The following DMD variants were observed in gnomAD, a reference collection of about 807,000 sequenced individuals.
DMD encodes the protein mutant dystrophin.
A neutral mutation model predicts 330.1 loss-of-function variants in DMD; 63 were observed. The observed-to-expected ratio is 0.19, with a 90% CI of 0.16 to 0.24. The LOEUF is 0.24. Ranked by LOEUF, DMD falls within the 10% of genes least tolerant of loss-of-function variation. The pLI, the probability that DMD is intolerant of heterozygous loss-of-function variation, is 1.00. For missense variants in DMD, 3,344 were observed against 2,684.1 expected (o/e 1.25, Z -5.43); for synonymous variants, 1,223 against 959.8 (o/e 1.27, Z -5.07).
intron 47 of DMD, among the ~76,000 whole-genome samples, chrX:31,913,754 CAAAACA>C (rs1215134924): frequency 1.8e-5 from 2 of 109,779 alleles, no homozygotes. Flanking sequence ...CAAAACAAAA[CAAAACA>C]AAACAAAAAC....
chrX:32,433,048 A>T (rs1203417550), intron 29 of DMD, among the ~76,000 whole-genome samples: 2 of 112,428 alleles, frequency 1.8e-5, no homozygotes, highest in Admixed American at 9.4e-5. Context: ...GAGGTGAAAT[A>T]ATCACTCATC....
At chrX:33,141,075 G>GT (rs1328554582) in intron 1 of DMD, among the ~76,000 whole-genome samples, 6 of 111,675 alleles carry the variant, frequency 5.4e-5, no homozygotes, top group African/African-American at 2.0e-4. Context: ...AACCTAAAAT[G>GT]TAAGTAGTTC....
At chrX:32,557,637 T>C (rs1469852552) in intron 16 of DMD, among the ~76,000 whole-genome samples, 1 of 111,849 alleles carries the variant, frequency 8.9e-6, no homozygotes, top group African/African-American at 3.2e-5. Context: ...TTGATAGCCA[T>C]GCTTAAAAAC....
chrX:31,516,247 G>A (rs1323060696), intron 55 of DMD, among the ~76,000 whole-genome samples: 1 of 97,505 alleles, frequency 1.0e-5, no homozygotes, highest in Admixed American at 1.2e-4. Flanking sequence ...AAAAGTATCA[G>A]TCTATTATGG....
chrX:33,169,301 T>G (rs2049218972), intron 1 of DMD, among the ~76,000 whole-genome samples: 1 of 111,899 alleles, frequency 8.9e-6, no homozygotes, highest in African/African-American at 3.2e-5. Context: ...AATTTATTGA[T>G]AAGGTTAACA....
At chrX:31,404,887 G>C (rs2061342822) in intron 60 of DMD, among the ~76,000 whole-genome samples, 1 of 112,208 alleles carries the variant, frequency 8.9e-6, no homozygotes, top group African/African-American at 3.2e-5. Flanking sequence ...CATGGAATAG[G>C]TATTTGTCAG....
intron 44 of DMD, chrX:32,155,530 G>A (rs943243251): frequency 1.8e-6 from 1 of 567,506 alleles, no homozygotes; most frequent in African/African-American, 2.5e-5. Flanking sequence ...TGTAGCAAAG[G>A]CTCTAAAGAA....
At position 31,669,750 on chromosome X, in the gene DMD, C is replaced by T. The variant is rs765694618; in HGVS notation, c.7872+9625G>A. ...AGTTTTTGAAATTGGAAAGTTAACT[C>T]CTCCAATGTTGTTCTTTTTTCAAGG... is the stretch of plus-strand genomic sequence containing the variant. On this transcript the variant is annotated intron_variant, in intron 53 of 78. Transcript: ENST00000357033. 1.6e-4 allele frequency among the ~76,000 whole-genome samples: 18 copies of T among 109,311 alleles called. No individual in the cohort carries two copies. The South Asian group carries it at 7.0e-3, about 43-fold the overall frequency. The allele number at this position is 109,311 out of a possible 115,157, so 94.9% of individuals were successfully genotyped here. A position where few individuals can be genotyped will look rare whatever the true frequency, so the allele number is the denominator to read the frequency against.
intron 44 of DMD, among the ~76,000 whole-genome samples, chrX:32,188,066 C>CGTT (rs1048673130): frequency 8.1e-5 from 9 of 110,431 alleles, no homozygotes; most frequent in African/African-American, 2.6e-4. Flanking sequence ...CAAATGCAGG[C>CGTT]GTAACATCTA....
At chrX:32,773,785 T>C (rs1321129088) in intron 7 of DMD, among the ~76,000 whole-genome samples, 1 of 111,516 alleles carries the variant, frequency 9.0e-6, no homozygotes, top group Non-Finnish European at 1.9e-5. Flanking sequence ...TTTCTTAGTT[T>C]TCAATACTAT....
chrX:32,955,732 G>A (rs1475533140), intron 2 of DMD, among the ~76,000 whole-genome samples: 9 of 111,710 alleles, frequency 8.1e-5, no homozygotes, highest in Non-Finnish European at 1.5e-4. Flanking sequence ...TAAGGAAGGG[G>A]TCCAGTTTCT....
chrX:32,582,800 C>T (rs1464590946), intron 13 of DMD, among the ~76,000 whole-genome samples: 2 of 111,963 alleles, frequency 1.8e-5, no homozygotes, highest in African/African-American at 6.5e-5. Flanking sequence ...AGAGCGCTTA[C>T]TTTAGGGAAA....
chrX:32,232,072 T>C (rs933731554), intron 43 of DMD, among the ~76,000 whole-genome samples: 7 of 111,047 alleles, frequency 6.3e-5, no homozygotes, highest in African/African-American at 2.3e-4. Flanking sequence ...TTATGCCAGA[T>C]TAGCATTTCA....
chrX:33,120,389 A>G (rs1250480044), intron 1 of DMD, among the ~76,000 whole-genome samples: 1 of 111,312 alleles, frequency 9.0e-6, no homozygotes, highest in African/African-American at 3.3e-5. Context: ...TTTTTCAAGT[A>G]CTTCCATCCC....
At chrX:31,206,717 G>A in intron 65 of DMD, 50 bp from the exon 66 acceptor site, 1 of 1,018,888 alleles carries the variant, frequency 9.8e-7, no homozygotes, top group African/African-American at 1.9e-5. Flanking sequence ...TTTCCTAGAG[G>A]GTAAACACTT....
At chrX:32,823,523 T>C (rs2078451367) in intron 4 of DMD, 136 bp from the exon 5 acceptor site, 4 of 483,589 alleles carry the variant, frequency 8.3e-6, no homozygotes, top group Non-Finnish European at 1.1e-5. Context: ...TTGAAAATAA[T>C]CTAAAAATTA....
At chrX:32,363,741 T>C (rs756939744) in intron 36 of DMD, among the ~76,000 whole-genome samples, 25 of 112,128 alleles carry the variant, frequency 2.2e-4, no homozygotes, top group African/African-American at 8.1e-4. Context: ...TCGTAATCTG[T>C]GGAAAATATC....
intron 1 of DMD, among the ~76,000 whole-genome samples, chrX:33,094,807 CAAAAAAAAA>C (rs199716276): frequency 6.7e-5 from 4 of 60,086 alleles, no homozygotes; most frequent in Non-Finnish European, 9.2e-5. Context: ...GACTCCATCT[CAAAAAAAAA>C]AAAAAAGAAA....
At chrX:33,176,583 T>TGTGC (rs1557286767) in intron 1 of DMD, among the ~76,000 whole-genome samples, 1,197 of 109,702 alleles carry the variant, frequency 0.011, 20 homozygotes, top group African/African-American at 0.038. Flanking sequence ...TGTGTGTGTG[T>TGTGC]GCGCTCATGT....
Sources: gnomAD v4.1 joint callset for allele counts (sites outside exome capture counted in the v4.1 genomes callset) on GRCh38, gnomAD v4.1.1 for gene constraint, MANE v1.5 for transcripts, NCBI Gene and HGNC (gene_info 2026-07-23, HGNC 2026-07-21) for gene names.